Variants in ANO9 observed in about 807,000 individuals in gnomAD.
ANO9 encodes anoctamin 9.
Under a neutral mutation model 100.5 loss-of-function variants are expected in ANO9, and 80 were observed. The observed-to-expected ratio is 0.80, with a 90% CI of 0.66 to 0.96. ANO9 has a LOEUF of 0.96. ANO9 is among the 40% of genes least tolerant of loss of function. The pLI, the probability that ANO9 is intolerant of heterozygous loss-of-function variation, is 0.00. For missense variants in ANO9, 1,064 were observed against 1,072.7 expected (o/e 0.99, Z 0.11); for synonymous variants, 473 against 435.6 (o/e 1.09, Z -1.07).
chr11:419,171 G>C (rs1848023751), intron 20 of ANO9, 182 bp from the exon 21 acceptor site: 1 of 1,435,396 alleles, frequency 7.0e-7, no homozygotes, highest in Non-Finnish European at 9.1e-7. Flanking sequence ...GCCTTGTGGG[G>C]ACTGTGGGGA....
chr11:419,555 G>C, intron 20 of ANO9, 27 bp downstream of exon 20: 6 of 1,609,804 alleles, frequency 3.7e-6, no homozygotes, highest in Non-Finnish European at 4.2e-6. Context: ...TTTCTCCCAG[G>C]GGTCTCCAGA....
In ANO9 at chr11:431,906, T is replaced by A; in HGVS notation, c.407A>T (p.Glu136Val). The A allele has an allele frequency of 6.2e-7, 1 of 1,611,052 alleles. No homozygotes were observed. Among genetic ancestry groups the A allele is most frequent in the Non-Finnish European group, 8.5e-7 (1 of 1,178,400 alleles). The change falls in exon 6 of 23, where the codon GAG (glutamate) becomes GTG (valine). Residue 136 changes from glutamate (E) to valine (V), a missense_variant and splice_region_variant. Physicochemically the swap from Glu to Val is moderately radical, Grantham distance 121. Coordinates refer to ENST00000332826, the MANE Select transcript of ANO9 (RefSeq NM_001012302.3). ...VVMNNKTSAG[E>V]TFEDLMKDGV... ...GTCCTTCATCAGATCCTCGAAGGTCTCTGGGTCACAGGGGTTCACGAGTCA... is the reference window on the plus strand; with the variant it reads ...GTCCTTCATCAGATCCTCGAAGGTCACTGGGTCACAGGGGTTCACGAGTCA...
intron 15 of ANO9, among the ~76,000 whole-genome samples, chr11:423,772 C>A (rs1848332063): frequency 6.6e-6 from 1 of 152,090 alleles, no homozygotes; most frequent in South Asian, 2.1e-4. Context: ...CTCAAGTAAT[C>A]CTCCTACCTT....
rs374093262 is a variant in ANO9, at chr11:441,937, G to A, written c.-11C>T. 3 of 1,607,230 alleles carry A rather than the reference G, an allele frequency of 1.9e-6. No individual in the cohort carries two copies. In the African/African-American group the frequency reaches 4.0e-5, roughly 21 times the overall value. On this transcript the variant is annotated 5_prime_UTR_variant, in exon 1 of 23. Transcript: ENST00000332826. ...AGGACTCACCTGCATGCTGGCTGTG[G>A]CCGGAGTTCCAGCTGGGGTTTGGCG...
At chr11:426,455 C>A (rs1848526662) in intron 15 of ANO9, among the ~76,000 whole-genome samples, 2 of 152,140 alleles carry the variant, frequency 1.3e-5, no homozygotes, top group East Asian at 3.8e-4. Flanking sequence ...TGCCTGTAGT[C>A]CCAGCTATTC....
At chr11:441,900 C>G (rs1396599434) in intron 1 of ANO9, 21 bp downstream of exon 1, 11 of 1,606,478 alleles carry the variant, frequency 6.8e-6, no homozygotes, top group East Asian at 4.5e-5. Context: ...AGGTGTGGAC[C>G]CTTTTGAGCG....
chr11:428,711 C>A lies in ANO9; in HGVS notation c.1020+11G>T. On this transcript the variant is annotated intron_variant, in intron 12 of 22. Coordinates refer to ENST00000332826, the MANE Select transcript of ANO9 (RefSeq NM_001012302.3). ...CGGGTCTCCAGCCCCACCGCGGTGT[C>A]CCCTGCGTACCATGAGCAGGGTCAG... is the stretch of plus-strand genomic sequence containing the variant. 1 of 1,612,938 alleles carries A rather than the reference C, an allele frequency of 6.2e-7. No homozygotes were observed.
chr11:428,000 A>G (rs1255777219), intron 15 of ANO9, 88 bp downstream of exon 15: 1 of 64,492 alleles, frequency 1.6e-5, no homozygotes, highest in African/African-American at 1.5e-4. Flanking sequence ...AATTACTTTT[A>G]AAATTAAAAG....
rs760987518 is a variant in ANO9, at chr11:418,353, T to C, written c.*18A>G. ...GGCACTGTCTCAGCTCCTGGTGGCC[T>C]CTGGACGGGCTCTGGCCCTACACGT... is the stretch of plus-strand genomic sequence containing the variant. On this transcript the variant is annotated 3_prime_UTR_variant, in exon 23 of 23. Coordinates refer to ENST00000332826, the MANE Select transcript of ANO9 (RefSeq NM_001012302.3). The C allele has an allele frequency of 7.0e-6, 11 of 1,575,174 alleles. No individual in the cohort carries two copies. Among genetic ancestry groups the C allele is most frequent in the East Asian group, 2.3e-5 (1 of 43,812 alleles).
At chr11:427,851 C>T (rs73402521) in intron 15 of ANO9, among the ~76,000 whole-genome samples, 2,492 of 150,736 alleles carry the variant, frequency 0.017, 53 homozygotes, top group African/African-American at 0.047. Flanking sequence ...TGCTGTTATG[C>T]GCCTGCAAAT....
chr11:435,488 GGTATAGTCTA>G (rs1849407052), intron 1 of ANO9, among the ~76,000 whole-genome samples: 1 of 47,722 alleles, frequency 2.1e-5, no homozygotes, highest in Non-Finnish European at 3.8e-5. Flanking sequence ...AACATAATAC[GGTATAGTCTA>G]GTATAGTCTA....
In ANO9 at chr11:428,771, T is replaced by A. The variant is rs1848685515; in HGVS notation, c.971A>T (p.Gln324Leu). 1 of 1,613,254 alleles carries A rather than the reference T, an allele frequency of 6.2e-7. No homozygotes were observed. The highest frequency in any genetic ancestry group is 8.5e-7 in the Non-Finnish European group (1 of 1,179,956). The part of the protein sequence containing the change: ...NCPDYKLRPY[Q>L]HSYLRSTVIL... ...GACGGTGCTGCGTAGGTAGGAGTGC[T>A]GGTATGGCCGGAGCTTGTAGTCGGG... Residue 324 changes from glutamine to leucine, a missense_variant, in exon 12 of 23, where the codon CAG (glutamine) becomes CTG (leucine). Transcript: ENST00000332826.
intron 1 of ANO9, among the ~76,000 whole-genome samples, chr11:438,765 C>T (rs530014746): frequency 1.3e-5 from 2 of 152,280 alleles, no homozygotes; most frequent in South Asian, 2.1e-4. Context: ...AGGGCTGGAC[C>T]ACCTGAAGTC....
chr11:440,976 C>T (rs542468347), intron 1 of ANO9, among the ~76,000 whole-genome samples: 6 of 152,254 alleles, frequency 3.9e-5, no homozygotes, highest in Non-Finnish European at 7.3e-5. Context: ...AACCCCTGGC[C>T]AGCCCCAAGT....
intron 11 of ANO9, chr11:429,339 G>C: frequency 4.9e-6 from 5 of 1,016,286 alleles, no homozygotes; most frequent in Non-Finnish European, 6.9e-6. Flanking sequence ...GACAGACACA[G>C]CGACACGCCT....
At position 418,208 on chromosome 11, in the gene ANO9, A is replaced by C; in HGVS notation, c.*163T>G. The C allele has an allele frequency of 2.8e-6, 2 of 706,040 alleles. No individual in the cohort carries two copies. The highest frequency in any genetic ancestry group is 4.6e-6 in the Non-Finnish European group (2 of 436,058). 43.7% of individuals were successfully genotyped at this position (706,040 alleles called of 1,614,324 possible). A position where few individuals can be genotyped will look rare whatever the true frequency, so the allele number is the denominator to read the frequency against. On this transcript the variant is annotated 3_prime_UTR_variant, in exon 23 of 23. Coordinates refer to ENST00000332826, the MANE Select transcript of ANO9 (RefSeq NM_001012302.3). ...CCCCCACAAAGACGGAGCAGGCGGA[A>C]TAGGGTGGCAGCTCACAGCCCTGAA...
chr11:439,898 G>C (rs1845722818), intron 1 of ANO9, among the ~76,000 whole-genome samples: 1 of 152,098 alleles, frequency 6.6e-6, no homozygotes, highest in Non-Finnish European at 1.5e-5. Flanking sequence ...TCCATCCCCA[G>C]ACACTGACGG....
Position 422,916 on chromosome 11 carries a change from A to T in ANO9, c.1335-1718T>A, listed in dbSNP as rs1848278986. ...ATGATCTTGGCTCACTACAACCTCC[A>T]CCTTCCGGGTTTAAGTGATTCTCCT... On this transcript the variant is annotated intron_variant, in intron 15 of 22. Coordinates refer to ENST00000332826, the MANE Select transcript of ANO9 (RefSeq NM_001012302.3). This position sits in a 1 kb window ranked among gnomAD's most constrained non-coding sequence, Gnocchi z 4.3. 6.7e-6 allele frequency among the ~76,000 whole-genome samples: 1 copy of T among 148,448 alleles called. No homozygotes were observed. Among genetic ancestry groups the T allele is most frequent in the Non-Finnish European group, 1.5e-5 (1 of 67,408 alleles).
rs1002677428 is a variant in ANO9 at position 422,174 on chromosome 11, A to G, written c.1335-976T>C. ...CCAGCACAAGTTATACCATAACGAG[A>G]CTGAAACTCACAAGGCATCTGTGGG... On this transcript the variant is annotated intron_variant, in intron 15 of 22. Coordinates refer to ENST00000332826, the MANE Select transcript of ANO9 (RefSeq NM_001012302.3). The surrounding 1 kb of genome is among the most constrained non-coding windows in gnomAD (Gnocchi z 4.3). 1.1e-4 allele frequency among the ~76,000 whole-genome samples: 17 copies of G among 152,208 alleles called. No individual in the cohort carries two copies. Among genetic ancestry groups the G allele is most frequent in the African/African-American group, 3.9e-4 (16 of 41,450 alleles).
Sources: allele counts gnomAD v4.1 joint callset (sites outside exome capture counted in the v4.1 genomes callset), GRCh38; gene constraint gnomAD v4.1.1; non-coding constraint Gnocchi (gnomAD v3.1); transcripts MANE v1.5; gene names NCBI Gene and HGNC (gene_info 2026-07-23, HGNC 2026-07-21).